Variants in GRIA3 observed in about 807,000 individuals in gnomAD.
GRIA3 encodes glutamate receptor 3.
A neutral mutation model predicts 63.0 loss-of-function variants in GRIA3; 3 were observed. The observed-to-expected ratio is 0.05, with a 90% CI of 0.02 to 0.12. The LOEUF is 0.12. Among genes scored for constraint, GRIA3 ranks in the 10% least tolerant of loss-of-function variants. The probability of loss-of-function intolerance (pLI) is 1.00; values close to 1 mark genes in which losing one functional copy is unlikely to be tolerated. For synonymous variants in GRIA3, 274 were observed against 257.9 expected, an observed-to-expected ratio of 1.06 and a Z score of -0.60; for missense variants, 347 against 700.9, an observed-to-expected ratio of 0.50 and a Z score of 5.70.
chrX:123,316,805 C>T (rs1252314982), intron 3 of GRIA3, among the ~76,000 whole-genome samples: 3 of 111,997 alleles, frequency 2.7e-5, no homozygotes, highest in Non-Finnish European at 3.8e-5. Context: ...GCATTTTAGT[C>T]AATGACAGAC....
chrX:123,328,002 C>T (rs2044917262), intron 4 of GRIA3, among the ~76,000 whole-genome samples: 1 of 111,724 alleles, frequency 9.0e-6, no homozygotes, highest in South Asian at 3.7e-4. Context: ...CCTTGTCATA[C>T]TTTGTTTTTC....
At chrX:123,226,580 T>C (rs62594063) in intron 2 of GRIA3, among the ~76,000 whole-genome samples, 2 of 111,493 alleles carry the variant, frequency 1.8e-5, no homozygotes, top group Non-Finnish European at 3.8e-5. Flanking sequence ...GATCAGCTGA[T>C]GAGCTGACCA....
chrX:123,301,601 T>C (rs1480448275), intron 3 of GRIA3, among the ~76,000 whole-genome samples: 1 of 111,818 alleles, frequency 8.9e-6, no homozygotes, highest in East Asian at 2.8e-4. Context: ...GCTACTATTT[T>C]CATTTTATAT....
intron 3 of GRIA3, among the ~76,000 whole-genome samples, chrX:123,314,537 A>C (rs2044819292): frequency 9.0e-6 from 1 of 111,698 alleles, no homozygotes; most frequent in Admixed American, 9.5e-5. Context: ...CTCTTCCCAG[A>C]TGTTAAGTAA....
chrX:123,292,216 A>T (rs1305872114), intron 3 of GRIA3, among the ~76,000 whole-genome samples: 1 of 111,894 alleles, frequency 8.9e-6, no homozygotes, highest in African/African-American at 3.2e-5. Flanking sequence ...AGCTATCAGG[A>T]TCATTTTTAA....
chrX:123,418,918 G>A (rs1421751273), intron 11 of GRIA3, among the ~76,000 whole-genome samples: 1 of 112,041 alleles, frequency 8.9e-6, no homozygotes, highest in Non-Finnish European at 1.9e-5. Context: ...CTAAGAGAAA[G>A]GAAAACATAT....
chrX:123,442,241 C>T (rs2045678044), intron 12 of GRIA3, among the ~76,000 whole-genome samples: 1 of 112,241 alleles, frequency 8.9e-6, no homozygotes, highest in African/African-American at 3.2e-5. Context: ...CCTATAGGGA[C>T]TAGCCTATAA....
intron 3 of GRIA3, among the ~76,000 whole-genome samples, chrX:123,307,463 C>A (rs943346412): frequency 8.9e-6 from 1 of 111,779 alleles, no homozygotes; most frequent in African/African-American, 3.3e-5. Flanking sequence ...GGAATGTATT[C>A]TTTGGGAACA....
intron 3 of GRIA3, among the ~76,000 whole-genome samples, chrX:123,302,438 T>C (rs2044729309): frequency 9.0e-6 from 1 of 111,712 alleles, no homozygotes; most frequent in African/African-American, 3.2e-5. Context: ...CCCTGGTCTT[T>C]AGTGATGTGG....
At chrX:123,342,722 G>A (rs1371381158) in intron 4 of GRIA3, among the ~76,000 whole-genome samples, 1 of 111,772 alleles carries the variant, frequency 8.9e-6, no homozygotes, top group African/African-American at 3.3e-5. Flanking sequence ...ATCGAAAATT[G>A]GAGCCATGAT....
At chrX:123,359,095 G>A (rs377280967) in intron 5 of GRIA3, among the ~76,000 whole-genome samples, 3 of 111,654 alleles carry the variant, frequency 2.7e-5, no homozygotes, top group Non-Finnish European at 3.8e-5. Flanking sequence ...AAATGCAGAC[G>A]TAGACAAGAT....
chrX:123,209,181 G>A (rs1927974114), intron 2 of GRIA3, among the ~76,000 whole-genome samples: 1 of 111,662 alleles, frequency 9.0e-6, no homozygotes, highest in Admixed American at 9.5e-5. Context: ...GCTCAACTCT[G>A]CCACGTAACT....
At chrX:123,460,831 T>C (rs1044581683) in intron 12 of GRIA3, among the ~76,000 whole-genome samples, 7 of 111,915 alleles carry the variant, frequency 6.3e-5, no homozygotes, top group African/African-American at 1.9e-4. Flanking sequence ...TGTATTTCAT[T>C]ACAATGCTTA....
chrX:123,417,795 T>TTGAGTATGCCACAA lies in GRIA3; in HGVS notation c.1877+17_1877+18insTGAGTATGCCACAA. The TTGAGTATGCCACAA allele has an allele frequency of 8.6e-7, 1 of 1,167,838 alleles. No homozygotes were observed. Among genetic ancestry groups the TTGAGTATGCCACAA allele is most frequent in the Non-Finnish European group, 1.2e-6 (1 of 863,137 alleles). On this transcript the variant is annotated intron_variant, in intron 11 of 15. Transcript: ENST00000620443. The stretch of plus-strand genomic sequence containing the variant: ...TTCTCCAAGGTTTGTTTTTGTGGCA[T>TTGAGTATGCCACAA]ACTCAATGCCTCATTGCATTTTATG...
At position 123,267,549 on chromosome X, in the gene GRIA3, G is replaced by A. The variant is rs1425166560; in HGVS notation, c.508+14007G>A. 2.7e-5 allele frequency among the ~76,000 whole-genome samples: 3 copies of A among 111,929 alleles called. No homozygotes were observed. In the Admixed American group the frequency reaches 2.9e-4, roughly 11 times the overall value. ...TAGACAGCCACATGAATTCTCTAAA[G>A]ACAAGAGTAGCATAGTATTATTTTC... is the stretch of plus-strand genomic sequence containing the variant. On this transcript the variant is annotated intron_variant, in intron 3 of 15. Coordinates refer to ENST00000620443, the MANE Select transcript of GRIA3 (RefSeq NM_007325.5).
intron 4 of GRIA3, among the ~76,000 whole-genome samples, chrX:123,341,885 A>G (rs2045010925): frequency 8.9e-6 from 1 of 112,025 alleles, no homozygotes; most frequent in African/African-American, 3.2e-5. Context: ...AGCAAGAGTA[A>G]ACACTGCCTT....
intron 13 of GRIA3, chrX:123,465,900 A>T: frequency 3.3e-6 from 2 of 613,174 alleles, no homozygotes; most frequent in Non-Finnish European, 5.5e-6. Context: ...TGGAATGACC[A>T]GGTTATTCCC....
chrX:123,332,395 T>G (rs1278593328), intron 4 of GRIA3, among the ~76,000 whole-genome samples: 1 of 111,956 alleles, frequency 8.9e-6, no homozygotes, highest in Non-Finnish European at 1.9e-5. Context: ...TATATGTGTA[T>G]GCTTATATAT....
intron 4 of GRIA3, among the ~76,000 whole-genome samples, chrX:123,348,223 T>C (rs2045066350): frequency 1.8e-5 from 2 of 111,802 alleles, no homozygotes; most frequent in African/African-American, 6.5e-5. Context: ...ATATTTAGAA[T>C]AAGGGTGTCA....
Sources: allele counts gnomAD v4.1 joint callset (sites outside exome capture counted in the v4.1 genomes callset), GRCh38; gene constraint gnomAD v4.1.1; transcripts MANE v1.5; gene names NCBI Gene and HGNC (gene_info 2026-07-23, HGNC 2026-07-21).